NFASC: variants seen among roughly 807,000 people sequenced by gnomAD.
NFASC encodes the protein neurofascin.
Under a neutral mutation model 147.5 loss-of-function variants are expected in NFASC, and 43 were observed. The observed-to-expected ratio is 0.29, with a 90% CI of 0.23 to 0.38. NFASC has a LOEUF of 0.38. NFASC is among the 10% of genes least tolerant of loss of function. NFASC has a pLI of 1.00. For synonymous variants in NFASC, 622 were observed against 665.5 expected, an observed-to-expected ratio of 0.93 and a Z score of 1.01; for missense variants, 1,320 against 1,689.0, an observed-to-expected ratio of 0.78 and a Z score of 3.83.
chr1:204,974,359 C>T, intron 13 of NFASC, 69 bp downstream of exon 13: 1 of 1,229,630 alleles, frequency 8.1e-7, no homozygotes, highest in Admixed American at 1.8e-5. Flanking sequence ...CCCATCTGGC[C>T]CATAGTAGGT....
At chr1:204,879,338 G>T (rs142296655) in intron 1 of NFASC, among the ~76,000 whole-genome samples, 6 of 152,158 alleles carry the variant, frequency 3.9e-5, no homozygotes, top group South Asian at 2.1e-4. Context: ...ATTACTACTC[G>T]TCTCCCCCGC....
chr1:204,957,541 G>A (rs756875981), intron 7 of NFASC, 115 bp from the exon 8 acceptor site: 11 of 876,558 alleles, frequency 1.3e-5, no homozygotes, highest in Admixed American at 4.3e-5. Context: ...ACCAAGTAAT[G>A]TCAAGCTCCT....
rs117749906 is a variant in NFASC at position 204,899,757 on chromosome 1, C to T, written c.-199-20875C>T. Among the ~76,000 whole-genome samples, 445 of 152,300 alleles carry T rather than the reference C, an allele frequency of 2.9e-3. 17 individuals carry two copies. The East Asian group carries it at 0.08, about 27-fold the overall frequency. ...ACTTACATATCACCTTGAGCAAGTT[C>T]TCCATTTTCCCATCAGTATTAAACC... is the stretch of plus-strand genomic sequence containing the variant. On this transcript the variant is annotated intron_variant, in intron 1 of 29. Transcript: ENST00000339876.
chr1:204,842,891 A>T (rs932950618), intron 1 of NFASC, among the ~76,000 whole-genome samples: 9 of 152,062 alleles, frequency 5.9e-5, no homozygotes, highest in African/African-American at 2.2e-4. Flanking sequence ...GACACCTGGG[A>T]TGGGAGTTGT....
intron 27 of NFASC, among the ~76,000 whole-genome samples, chr1:205,007,816 G>A (rs1471344224): frequency 1.3e-5 from 2 of 152,196 alleles, no homozygotes; most frequent in Admixed American, 6.5e-5. Flanking sequence ...GATGGAGCCC[G>A]ACAGGTCAGG....
intron 1 of NFASC, among the ~76,000 whole-genome samples, chr1:204,911,826 A>G (rs777094742): frequency 1.3e-5 from 2 of 152,174 alleles, no homozygotes; most frequent in Non-Finnish European, 2.9e-5. Flanking sequence ...AATTCAGATT[A>G]TCTGTTACAT....
intron 3 of NFASC, chr1:204,946,919 C>T (rs2093787915): frequency 1.7e-5 from 7 of 406,444 alleles, no homozygotes; most frequent in Admixed American, 5.3e-5. Flanking sequence ...CACAAACAAG[C>T]AGATGGTGAT....
intron 1 of NFASC, among the ~76,000 whole-genome samples, chr1:204,870,186 T>C (rs909509878): frequency 2.0e-5 from 3 of 152,122 alleles, no homozygotes; most frequent in African/African-American, 7.2e-5. Flanking sequence ...ACTGGAGATA[T>C]TTAGCCTGCA....
At chr1:204,920,773 T>C (rs764085533) in intron 2 of NFASC, 33 bp downstream of exon 2, 46 of 1,083,952 alleles carry the variant, frequency 4.2e-5, no homozygotes, top group South Asian at 5.2e-5. Flanking sequence ...GTATGTGTCA[T>C]TGGAGGGGTG....
chr1:204,868,956 C>A (rs1157272926), intron 1 of NFASC, among the ~76,000 whole-genome samples: 1 of 152,238 alleles, frequency 6.6e-6, no homozygotes, highest in African/African-American at 2.4e-5. Context: ...TTGCCCCTGA[C>A]CTGGGCTGCT....
chr1:204,987,147 T>G lies in NFASC; in HGVS notation c.2471-271T>G, dbSNP rs959262303. On this transcript the variant is annotated intron_variant, in intron 21 of 29. Coordinates refer to ENST00000339876, the MANE Select transcript of NFASC (RefSeq NM_001005388.3). The surrounding 1 kb of genome is among the most constrained non-coding windows in gnomAD (Gnocchi z 4.4). ...AGCCTAACATGTGCTGAATCCAGAGTAGTTGCTAGAAGAAAACCTGATTTA... is the reference window on the plus strand; with the variant it reads ...AGCCTAACATGTGCTGAATCCAGAGGAGTTGCTAGAAGAAAACCTGATTTA... 21 of 510,628 alleles carry G rather than the reference T, an allele frequency of 4.1e-5. No homozygotes were observed. The South Asian group carries it at 5.4e-4, about 13-fold the overall frequency. The allele number at this position is 510,628 out of a possible 1,614,324, so 31.6% of individuals were successfully genotyped here. A position where few individuals can be genotyped will look rare whatever the true frequency, so the allele number is the denominator to read the frequency against.
At chr1:204,890,602 C>T (rs1250031809) in intron 1 of NFASC, among the ~76,000 whole-genome samples, 1 of 149,274 alleles carries the variant, frequency 6.7e-6, no homozygotes, top group Non-Finnish European at 1.5e-5. Flanking sequence ...TGGAGTCTCA[C>T]TCTGTCGCCC....
intron 1 of NFASC, among the ~76,000 whole-genome samples, chr1:204,918,689 G>A (rs948256602): frequency 1.3e-5 from 2 of 149,654 alleles, no homozygotes; most frequent in African/African-American, 2.5e-5. Flanking sequence ...AGGTTCAAGC[G>A]ATTCTCATGC....
Position 204,828,718 on chromosome 1 carries a change from G to C in NFASC, c.-264G>C. Reference sequence around the variant, plus strand: ...GAGAGGCGCTGCAGGGGACGCGGGGGAAGTGGCGGCGCCGGCAGCGGACAG... The same window carrying C: ...GAGAGGCGCTGCAGGGGACGCGGGGCAAGTGGCGGCGCCGGCAGCGGACAG... On this transcript the variant is annotated 5_prime_UTR_variant, in exon 1 of 30. Coordinates refer to ENST00000339876, the MANE Select transcript of NFASC (RefSeq NM_001005388.3). 2 of 985,684 alleles carry C rather than the reference G, an allele frequency of 2.0e-6. No homozygotes were observed. Among genetic ancestry groups the C allele is most frequent in the Non-Finnish European group, 2.4e-6 (2 of 830,192 alleles). The allele number at this position is 985,684 out of a possible 1,614,324, so 61.1% of individuals were successfully genotyped here.
In NFASC at chr1:205,016,944, GTTTTC is replaced by G; in HGVS notation, c.*411_*415del. 2 of 299,530 alleles carry G rather than the reference GTTTTC, an allele frequency of 6.7e-6. No homozygotes were observed. The highest frequency in any genetic ancestry group is 1.3e-5 in the Non-Finnish European group (2 of 150,526). The allele number at this position is 299,530 out of a possible 1,614,324, so 18.6% of individuals were successfully genotyped here. ...CTTCCCCTCCAGACCCAATGTCTCT[GTTTTC>G]TTTTCCTTTTGAAAAAGAGTCCCTG... On this transcript the variant is annotated 3_prime_UTR_variant, in exon 30 of 30. Transcript: ENST00000339876. The surrounding 1 kb of genome is among the most constrained non-coding windows in gnomAD (Gnocchi z 5.1).
At position 204,975,202 on chromosome 1, in the gene NFASC, AC is replaced by A. The variant is rs2095369439; in HGVS notation, c.1559-68del. Reference sequence around the variant, plus strand: ...AAGGCCTCGAGGGCAGACATATGCCACTTTGTGGCCGCATGGGGATGCTGGG... The same window carrying A: ...AAGGCCTCGAGGGCAGACATATGCCATTTGTGGCCGCATGGGGATGCTGGG... On this transcript the variant is annotated intron_variant, in intron 14 of 29. Transcript: ENST00000339876. This position sits in a 1 kb window ranked among gnomAD's most constrained non-coding sequence, Gnocchi z 4.0. 1.3e-6 allele frequency: 2 copies of A among 1,536,270 alleles called. No homozygotes were observed. The highest frequency in any genetic ancestry group is 4.5e-5 in the East Asian group (2 of 44,148).
intron 15 of NFASC, among the ~76,000 whole-genome samples, chr1:204,976,389 A>G (rs1000213892): frequency 3.3e-5 from 5 of 152,220 alleles, no homozygotes; most frequent in Admixed American, 2.0e-4. Context: ...AGCACAGTAA[A>G]GGCACAGAGG....
chr1:204,994,559 G>A (rs2095806131), intron 24 of NFASC, among the ~76,000 whole-genome samples: 1 of 152,196 alleles, frequency 6.6e-6, no homozygotes, highest in African/African-American at 2.4e-5. Context: ...TCTGGGGCCT[G>A]GGAAATGTAG....
chr1:205,001,812 A>G (rs1335454470), intron 26 of NFASC, among the ~76,000 whole-genome samples: 1 of 152,132 alleles, frequency 6.6e-6, no homozygotes, highest in Non-Finnish European at 1.5e-5. Context: ...AAGGGTACAG[A>G]TTCGTTGGAC....
Sources: gnomAD v4.1 joint callset for allele counts (sites outside exome capture counted in the v4.1 genomes callset) on GRCh38, gnomAD v4.1.1 for gene constraint, Gnocchi (gnomAD v3.1) non-coding constraint, MANE v1.5 for transcripts, NCBI Gene and HGNC (gene_info 2026-07-23, HGNC 2026-07-21) for gene names.